The following RETREG1 variants were observed in gnomAD, a reference collection of about 807,000 sequenced individuals.
RETREG1 encodes the protein reticulophagy regulator 1.
RETREG1 carries 44 observed loss-of-function variants against 54.8 expected under a neutral mutation model. That is an observed-to-expected ratio of 0.80 (90% CI 0.63 to 1.03). The LOEUF is 1.03. RETREG1 is among the 50% of genes least tolerant of loss of function. The pLI, the probability that RETREG1 is intolerant of heterozygous loss-of-function variation, is 0.00. For synonymous variants in RETREG1, 217 were observed against 238.5 expected (o/e 0.91, Z 0.83); for missense variants, 554 against 605.1 (o/e 0.92, Z 0.89).
chr5:16,593,548 T>C lies in RETREG1; in HGVS notation c.321-21446A>G, dbSNP rs545188035. 6.6e-6 allele frequency among the ~76,000 whole-genome samples: 1 copy of C among 152,180 alleles called. No individual in the cohort carries two copies. Among genetic ancestry groups the C allele is most frequent in the East Asian group, 1.9e-4 (1 of 5,170 alleles). The stretch of plus-strand genomic sequence containing the variant: ...ATAAATTCCTTAAAGCACATTATCA[T>C]AATAATGACAGCTTGCCAAATTGGG... On this transcript the variant is annotated intron_variant, in intron 1 of 8. Transcript: ENST00000306320. The surrounding 1 kb of genome is among the most constrained non-coding windows in gnomAD (Gnocchi z 4.9).
intron 3 of RETREG1, among the ~76,000 whole-genome samples, chr5:16,496,319 G>A (rs1258221530): frequency 1.3e-5 from 2 of 152,318 alleles, no homozygotes; most frequent in East Asian, 3.9e-4. Context: ...GCTGATATGG[G>A]ACATCCATAA....
chr5:16,515,670 G>A (rs2126573586), intron 3 of RETREG1, among the ~76,000 whole-genome samples: 1 of 152,244 alleles, frequency 6.6e-6, no homozygotes, highest in East Asian at 1.9e-4. Flanking sequence ...AGTCAACGCA[G>A]CAAAGTACAT....
chr5:16,541,739 GGGAAGGAAGGAAGGAAGGAAGGAAGGAA>G (rs59287809), intron 3 of RETREG1, among the ~76,000 whole-genome samples: 19 of 102,188 alleles, frequency 1.9e-4, no homozygotes, highest in African/African-American at 4.3e-4. Context: ...GAGGGAGGGA[GGGAAGGAAGGAAGGAAGGAAGGAAGGAA>G]GGAAGGAAGG....
intron 1 of RETREG1, among the ~76,000 whole-genome samples, chr5:16,586,305 A>G (rs1467123847): frequency 1.3e-5 from 2 of 152,214 alleles, no homozygotes; most frequent in African/African-American, 4.8e-5. Context: ...GGAACTTACA[A>G]TATGAATGTG....
intron 2 of RETREG1, among the ~76,000 whole-genome samples, chr5:16,569,228 G>A (rs1266314113): frequency 6.6e-6 from 1 of 151,514 alleles, no homozygotes. Context: ...TGGCACCAGA[G>A]TTTCTTCAGC....
chr5:16,495,486 C>T (rs1201887433), intron 3 of RETREG1, among the ~76,000 whole-genome samples: 2 of 152,194 alleles, frequency 1.3e-5, no homozygotes, highest in African/African-American at 4.8e-5. Context: ...CACCTCTTCC[C>T]TGAACAGCCT....
intron 3 of RETREG1, among the ~76,000 whole-genome samples, chr5:16,547,979 G>A (rs1741433670): frequency 6.6e-6 from 1 of 151,962 alleles, no homozygotes; most frequent in Admixed American, 6.6e-5. Flanking sequence ...AAAATAAATG[G>A]GGAGATTGGA....
chr5:16,528,349 AT>A lies in RETREG1; in HGVS notation c.458+37413del, dbSNP rs201951440. ...ATTACAATTCACATGAGTAAAAAAA[AT>A]ATGACTCTTTAAATTTATATTCCTG... On this transcript the variant is annotated intron_variant, in intron 3 of 8. Coordinates refer to ENST00000306320, the MANE Select transcript of RETREG1 (RefSeq NM_001034850.3). 6.9e-3 allele frequency among the ~76,000 whole-genome samples: 1,047 copies of A among 152,328 alleles called. 13 individuals are homozygous for A. Among genetic ancestry groups the A allele is most frequent in the African/African-American group, 0.021 (886 of 41,580 alleles).
chr5:16,518,187 TTATATATAAATGTAA>T (rs1230726075), intron 3 of RETREG1, among the ~76,000 whole-genome samples: 1 of 148,082 alleles, frequency 6.8e-6, no homozygotes, highest in Non-Finnish European at 1.5e-5. Context: ...AATATAGTGA[TTATATATAAATGTAA>T]TATATGTAAA....
intron 3 of RETREG1, among the ~76,000 whole-genome samples, chr5:16,533,193 C>G (rs1200588279): frequency 6.6e-6 from 1 of 152,132 alleles, no homozygotes; most frequent in African/African-American, 2.4e-5. Flanking sequence ...TACAGGCACC[C>G]GCCACCACAC....
intron 3 of RETREG1, among the ~76,000 whole-genome samples, chr5:16,497,614 C>T (rs1199979370): frequency 6.6e-6 from 1 of 152,174 alleles, no homozygotes; most frequent in East Asian, 1.9e-4. Flanking sequence ...GTCACATCAA[C>T]ATCACTGACC....
At chr5:16,516,965 T>A (rs1322510151) in intron 3 of RETREG1, among the ~76,000 whole-genome samples, 1 of 151,358 alleles carries the variant, frequency 6.6e-6, no homozygotes, top group Non-Finnish European at 1.5e-5. Context: ...AAAAAAATCA[T>A]AAGATTTCTA....
chr5:16,590,886 CGCACACACACAT>C (rs1742751002), intron 1 of RETREG1, among the ~76,000 whole-genome samples: 1 of 146,592 alleles, frequency 6.8e-6, no homozygotes, highest in Non-Finnish European at 1.5e-5. Context: ...TACACACACA[CGCACACACACAT>C]GCACAAACAC....
intron 3 of RETREG1, among the ~76,000 whole-genome samples, chr5:16,555,988 A>G (rs1436177867): frequency 6.6e-6 from 1 of 152,152 alleles, no homozygotes; most frequent in Non-Finnish European, 1.5e-5. Flanking sequence ...TTATAAATGA[A>G]CTTCACGCAT....
intron 3 of RETREG1, among the ~76,000 whole-genome samples, chr5:16,507,626 GA>G (rs1740008621): frequency 1.3e-5 from 2 of 152,166 alleles, no homozygotes; most frequent in Admixed American, 1.3e-4. Context: ...ATGGAAACTA[GA>G]AAACTAGAGA....
At position 16,473,555 on chromosome 5, in the gene RETREG1, T is replaced by C. The variant is rs1738394252; in HGVS notation, c.*1186A>G. On this transcript the variant is annotated 3_prime_UTR_variant, in exon 9 of 9. Coordinates refer to ENST00000306320, the MANE Select transcript of RETREG1 (RefSeq NM_001034850.3). ...TGAAGATTTAAGAGATTTTTGGTAG[T>C]TGCTGGCATGGTCCCTCGACACTTA... The C allele has an allele frequency of 6.6e-6, 1 of 152,596 alleles. No individual in the cohort carries two copies. Among genetic ancestry groups the C allele is most frequent in the Non-Finnish European group, 1.5e-5 (1 of 68,008 alleles). The allele number at this position is 152,596 out of a possible 1,614,324, so 9.5% of individuals were successfully genotyped here. A position where few individuals can be genotyped will look rare whatever the true frequency, so the allele number is the denominator to read the frequency against.
At chr5:16,492,229 T>TCTCTCTCTCTCACACA (rs1406702350) in intron 3 of RETREG1, among the ~76,000 whole-genome samples, 5 of 110,642 alleles carry the variant, frequency 4.5e-5, no homozygotes, top group Admixed American at 2.2e-4. Flanking sequence ...TCTCTCTCTC[T>TCTCTCTCTCTCACACA]CACACACACA....
At chr5:16,576,905 G>A (rs957533410) in intron 1 of RETREG1, among the ~76,000 whole-genome samples, 13 of 152,146 alleles carry the variant, frequency 8.5e-5, no homozygotes, top group South Asian at 6.2e-4. Context: ...AGGAGCCACC[G>A]CGCCTGGCCA....
At chr5:16,498,402 A>G (rs775391694) in intron 3 of RETREG1, among the ~76,000 whole-genome samples, 7 of 152,246 alleles carry the variant, frequency 4.6e-5, no homozygotes, top group Admixed American at 6.5e-5. Context: ...TACAATAAAA[A>G]TACAGAATAA....
Sources: gnomAD v4.1 joint callset for allele counts (sites outside exome capture counted in the v4.1 genomes callset) on GRCh38, gnomAD v4.1.1 for gene constraint, Gnocchi (gnomAD v3.1) non-coding constraint, MANE v1.5 for transcripts, NCBI Gene and HGNC (gene_info 2026-07-23, HGNC 2026-07-21) for gene names.